Variants in SETD5 observed in about 807,000 individuals in gnomAD.
SETD5 encodes histone-lysine N-methyltransferase SETD5.
In SETD5, 44 loss-of-function variants were observed where a neutral mutation model predicts 153.3. The observed-to-expected ratio is 0.29, with a 90% CI of 0.23 to 0.37. SETD5 has a LOEUF of 0.37. Among genes scored for constraint, SETD5 ranks in the 10% least tolerant of loss-of-function variants. The probability of loss-of-function intolerance (pLI) is 1.00; values close to 1 mark genes in which losing one functional copy is unlikely to be tolerated. For missense variants in SETD5, 1,544 were observed against 1,768.0 expected, an observed-to-expected ratio of 0.87 and a Z score of 2.27; for synonymous variants, 716 against 645.2, an observed-to-expected ratio of 1.11 and a Z score of -1.66.
chr3:9,405,889 A>G (rs1382317364), intron 1 of SETD5, among the ~76,000 whole-genome samples: 2 of 152,144 alleles, frequency 1.3e-5, no homozygotes, highest in East Asian at 1.9e-4. Context: ...TCTGTTTCCT[A>G]CCACCAACCT....
chr3:9,464,924 A>T, intron 18 of SETD5: 1 of 527,028 alleles, frequency 1.9e-6, no homozygotes, highest in South Asian at 2.1e-5. Context: ...GCAGTCCATC[A>T]ATCTCCATAA....
chr3:9,450,756 T>A (rs921829402), intron 16 of SETD5, among the ~76,000 whole-genome samples: 1 of 152,216 alleles, frequency 6.6e-6, no homozygotes, highest in African/African-American at 2.4e-5. Flanking sequence ...TCTAATAGGC[T>A]CACTGTTTCA....
At chr3:9,426,330 G>A (rs1330116083) in intron 2 of SETD5, among the ~76,000 whole-genome samples, 17 of 139,188 alleles carry the variant, frequency 1.2e-4, no homozygotes, top group Middle Eastern at 4.1e-3. Context: ...CACCTCCCAG[G>A]CTCAAGCAAT....
At chr3:9,466,179 T>A (rs557413822) in intron 18 of SETD5, among the ~76,000 whole-genome samples, 1 of 150,524 alleles carries the variant, frequency 6.6e-6, no homozygotes, top group South Asian at 2.1e-4. Flanking sequence ...TCCCAGCTAC[T>A]CGGGAGGCTG....
Position 9,477,894 on chromosome 3 carries a change from G to A in SETD5, c.*1803G>A, listed in dbSNP as rs1400186944. On this transcript the variant is annotated 3_prime_UTR_variant, in exon 23 of 23. Transcript: ENST00000402198. ...TCTCCCCTTGGCTATTTAACCAAGG[G>A]GAGAGGCCAGCGGGCAGGCGGCCCT... The A allele has an allele frequency of 2.0e-5, 3 of 151,690 alleles. No individual in the cohort carries two copies. The highest frequency in any genetic ancestry group is 2.9e-5 in the Non-Finnish European group (2 of 67,910). The allele number at this position is 151,690 out of a possible 1,614,324, so 9.4% of individuals were successfully genotyped here.
Position 9,475,485 on chromosome 3 carries a change from C to CCTG in SETD5, c.3725_3727dup (p.Leu1242dup). 6.2e-7 allele frequency: 1 copy of CCTG among 1,608,330 alleles called. No homozygotes were observed. Among genetic ancestry groups the CCTG allele is most frequent in the Non-Finnish European group, 8.5e-7 (1 of 1,175,450 alleles). The stretch of plus-strand genomic sequence containing the variant: ...CGTTTCCTCCCAACTTTGTCTAGCT[C>CCTG]CTGCAGTGTGATAGTCCTCGGACAG... On this transcript the variant is annotated inframe_insertion, in exon 23 of 23. Transcript: ENST00000402198.
At chr3:9,469,244 G>A (rs555145114) in intron 18 of SETD5, among the ~76,000 whole-genome samples, 1 of 152,330 alleles carries the variant, frequency 6.6e-6, no homozygotes, top group South Asian at 2.1e-4. Flanking sequence ...TAGGATATCA[G>A]TAGAGTGGTT....
chr3:9,461,335 A>T (rs948999914), intron 17 of SETD5, among the ~76,000 whole-genome samples: 1 of 152,190 alleles, frequency 6.6e-6, no homozygotes, highest in African/African-American at 2.4e-5. Context: ...ATTGTCATAA[A>T]ATGTTGACCA....
intron 18 of SETD5, among the ~76,000 whole-genome samples, chr3:9,468,038 C>A (rs930026457): frequency 2.1e-4 from 32 of 151,180 alleles, no homozygotes; most frequent in African/African-American, 7.5e-4. Context: ...ACTAATGTCT[C>A]CCCCTGGATA....
intron 17 of SETD5, among the ~76,000 whole-genome samples, chr3:9,455,405 T>C (rs1384479280): frequency 2.0e-5 from 3 of 152,084 alleles, no homozygotes; most frequent in African/African-American, 7.2e-5. Flanking sequence ...CATGCCTGGC[T>C]GTGAATTGCC....
chr3:9,430,619 T>G (rs2039847017), intron 3 of SETD5: 1 of 199,664 alleles, frequency 5.0e-6, no homozygotes, highest in Non-Finnish European at 9.0e-6. Flanking sequence ...CCTGGTACTA[T>G]GTAGATTGTC....
At chr3:9,448,130 T>G (rs768630204) in intron 15 of SETD5, 124 bp downstream of exon 15, 105 of 1,233,126 alleles carry the variant, frequency 8.5e-5, no homozygotes, top group Admixed American at 2.3e-4. Flanking sequence ...TCTAAAATGC[T>G]TTGACACAAA....
At chr3:9,440,795 C>A (rs576902344) in intron 8 of SETD5, 97 bp downstream of exon 8, 2 of 1,422,522 alleles carry the variant, frequency 1.4e-6, no homozygotes, top group Non-Finnish European at 1.9e-6. Context: ...TCCAAATGTA[C>A]AAGGCCATGG....
intron 13 of SETD5, 24 bp from the exon 14 acceptor site, chr3:9,447,026 T>C: frequency 6.4e-7 from 1 of 1,573,702 alleles, no homozygotes; most frequent in Non-Finnish European, 8.6e-7. Context: ...AGCTTCCTTC[T>C]ACACCAGTAC....
In SETD5 at chr3:9,434,781, A is replaced by G. The variant is rs1440138735; in HGVS notation, c.330-43A>G. 3.1e-6 allele frequency: 5 copies of G among 1,589,822 alleles called. No homozygotes were observed. The highest frequency in any genetic ancestry group is 4.3e-6 in the Non-Finnish European group (5 of 1,167,336). ...GCCCATGTGTGCTATGATGTGATGC[A>G]TGCTGTTGGAAGGACTACTTTAAGT... On this transcript the variant is annotated intron_variant, in intron 5 of 22. Transcript: ENST00000402198. This position sits in a 1 kb window ranked among gnomAD's most constrained non-coding sequence, Gnocchi z 5.6.
At chr3:9,472,551 T>G (rs541861231) in intron 19 of SETD5, among the ~76,000 whole-genome samples, 1 of 152,340 alleles carries the variant, frequency 6.6e-6, no homozygotes, top group South Asian at 2.1e-4. Flanking sequence ...GAAATAATAA[T>G]TTCCTCTCTT....
intron 20 of SETD5, among the ~76,000 whole-genome samples, chr3:9,473,872 G>A (rs527525932): frequency 1.3e-5 from 2 of 152,292 alleles, no homozygotes; most frequent in East Asian, 1.9e-4. Flanking sequence ...ATCCAGCCAA[G>A]TTCCACATGA....
intron 1 of SETD5, among the ~76,000 whole-genome samples, chr3:9,421,058 A>ATT (rs75431777): frequency 1.5e-4 from 22 of 143,532 alleles, no homozygotes; most frequent in Admixed American, 4.2e-4. Flanking sequence ...CACAACAGGT[A>ATT]TTTTTTTTTT....
intron 3 of SETD5, chr3:9,432,466 C>T (rs9832188): frequency 0.016 from 2,916 of 186,166 alleles, 92 homozygotes; most frequent in African/African-American, 0.064. Flanking sequence ...TTATTTCAAG[C>T]GAACAATATG....
Sources: gnomAD v4.1 joint callset for allele counts (sites outside exome capture counted in the v4.1 genomes callset) on GRCh38, gnomAD v4.1.1 for gene constraint, Gnocchi (gnomAD v3.1) non-coding constraint, MANE v1.5 for transcripts, NCBI Gene and HGNC (gene_info 2026-07-23, HGNC 2026-07-21) for gene names.